Variants in HMG20A observed in about 807,000 individuals in gnomAD.
The protein encoded by HMG20A is high mobility group protein 20A.
A neutral mutation model predicts 43.9 loss-of-function variants in HMG20A; 17 were observed. The ratio of observed to expected loss-of-function variants is 0.39; its 90% CI spans 0.27 to 0.58. The LOEUF is 0.58. Among genes scored for constraint, HMG20A ranks in the 20% least tolerant of loss-of-function variants. HMG20A has a pLI of 0.59. For missense variants in HMG20A, 341 were observed against 438.2 expected (o/e 0.78, Z 1.98); for synonymous variants, 132 against 147.5 (o/e 0.89, Z 0.76).
intron 6 of HMG20A, 94 bp downstream of exon 6, chr15:77,471,908 C>A: frequency 3.0e-6 from 2 of 659,296 alleles, no homozygotes; most frequent in Admixed American, 2.8e-5. Flanking sequence ...TAATGAATGG[C>A]AAAGTATTTC....
chr15:77,461,312 G>A (rs1319530613), intron 2 of HMG20A, among the ~76,000 whole-genome samples: 1 of 152,176 alleles, frequency 6.6e-6, no homozygotes, highest in Non-Finnish European at 1.5e-5. Context: ...CAGGGGTTGT[G>A]CTATAAAGGA....
intron 4 of HMG20A, among the ~76,000 whole-genome samples, chr15:77,468,896 T>C (rs2072781651): frequency 6.6e-6 from 1 of 152,222 alleles, no homozygotes; most frequent in African/African-American, 2.4e-5. Flanking sequence ...TGTTTAGTAG[T>C]CAAGTTTCTT....
chr15:77,469,545 G>A (rs1440944460), intron 4 of HMG20A, among the ~76,000 whole-genome samples: 2 of 152,038 alleles, frequency 1.3e-5, no homozygotes. Context: ...TGTTGCCTAG[G>A]CTGGACTCAA....
At chr15:77,453,099 A>C (rs1194401135) in intron 1 of HMG20A, among the ~76,000 whole-genome samples, 1 of 152,142 alleles carries the variant, frequency 6.6e-6, no homozygotes, top group Non-Finnish European at 1.5e-5. Context: ...ATGGTGGTGC[A>C]TACCTGTAAT....
At chr15:77,480,637 T>C (rs1296594419) in intron 9 of HMG20A, among the ~76,000 whole-genome samples, 1 of 143,514 alleles carries the variant, frequency 7.0e-6, no homozygotes, top group African/African-American at 2.6e-5. Context: ...AAAATAAAAA[T>C]ATAAAATTCT....
At position 77,478,436 on chromosome 15, in the gene HMG20A, A is replaced by G; in HGVS notation, c.833A>G (p.Asn278Ser). ...EVDVIQERSR[N>S]TVLQQHLETL... ...GATGTGATCCAGGAGCGGAGCCGCA[A>G]CACAGTCTTACAGCAGCACCTGGAG... The change falls in exon 8 of 10, where the codon AAC becomes AGC. Residue 278 changes from asparagine to serine, a missense_variant. Transcript: ENST00000336216. The G allele has an allele frequency of 3.1e-6, 5 of 1,612,616 alleles. No individual in the cohort carries two copies. Among genetic ancestry groups the G allele is most frequent in the Non-Finnish European group, 4.2e-6 (5 of 1,180,032 alleles).
At chr15:77,487,056 T>C (rs2142373120), downstream of HMG20A, among the ~76,000 whole-genome samples, 1 of 152,326 alleles carries the variant, frequency 6.6e-6, no homozygotes, top group Admixed American at 6.5e-5. Flanking sequence ...AAATAGCCAC[T>C]TGACCATCAG....
the HMG20A span, among the ~76,000 whole-genome samples, chr15:77,500,122 C>T: frequency 2.0e-5 from 3 of 152,136 alleles, no homozygotes; most frequent in South Asian, 2.1e-4. Context: ...TGAGCCACTG[C>T]GCCCAGCCAT....
the HMG20A span, among the ~76,000 whole-genome samples, chr15:77,496,725 C>G: frequency 6.6e-4 from 100 of 152,304 alleles, no homozygotes; most frequent in Middle Eastern, 3.4e-3. Context: ...GGTGGTCCCG[C>G]CAAGCGCTCC....
At chr15:77,472,781 C>T (rs1266537489) in intron 6 of HMG20A, among the ~76,000 whole-genome samples, 2 of 152,190 alleles carry the variant, frequency 1.3e-5, no homozygotes, top group Non-Finnish European at 2.9e-5. Flanking sequence ...CTTCCTTTAA[C>T]CCTCATGGCT....
chr15:77,462,082 G>A (rs1315438447), intron 2 of HMG20A, among the ~76,000 whole-genome samples: 3 of 152,078 alleles, frequency 2.0e-5, no homozygotes, highest in Admixed American at 2.0e-4. Context: ...TCAGTCCCAG[G>A]ACAGTCTGCT....
rs150548701 is a variant in HMG20A, at chr15:77,460,715, T to A, written c.89+2219T>A. On this transcript the variant is annotated intron_variant, in intron 2 of 9. Transcript: ENST00000336216. ...AAAGTCAGACAGAGGCCGGGTGCAGTGGCTCACAACCTGTAATCCCAGCAC... is the reference window on the plus strand; with the variant it reads ...AAAGTCAGACAGAGGCCGGGTGCAGAGGCTCACAACCTGTAATCCCAGCAC... Among the ~76,000 whole-genome samples, 365 of 152,268 alleles carry A rather than the reference T, an allele frequency of 2.4e-3. 3 individuals are homozygous for A. In the South Asian group the frequency reaches 0.025, roughly 11 times the overall value.
intron 1 of HMG20A, among the ~76,000 whole-genome samples, chr15:77,439,264 A>G (rs1022652062): frequency 1.1e-4 from 17 of 152,132 alleles, no homozygotes; most frequent in African/African-American, 3.9e-4. Flanking sequence ...ATCTTAACCA[A>G]TGCTGCTTTT....
chr15:77,512,366 T>C, the HMG20A span, among the ~76,000 whole-genome samples: 1 of 152,108 alleles, frequency 6.6e-6, no homozygotes, highest in Non-Finnish European at 1.5e-5. Flanking sequence ...CTTAATGCCA[T>C]TGAATGGTAC....
the HMG20A span, among the ~76,000 whole-genome samples, chr15:77,508,053 C>T: frequency 1.3e-5 from 2 of 152,184 alleles, no homozygotes; most frequent in South Asian, 4.1e-4. Flanking sequence ...ACACAGTCTC[C>T]AGGCCAAGGC....
chr15:77,435,296 T>C (rs2073534200), intron 1 of HMG20A, among the ~76,000 whole-genome samples: 1 of 152,122 alleles, frequency 6.6e-6, no homozygotes, highest in African/African-American at 2.4e-5. Flanking sequence ...TTATAGTCTA[T>C]TTATTTTGGA....
At chr15:77,497,682 A>AGAGAGAGAGAGAGAGAGTGT in the HMG20A span, among the ~76,000 whole-genome samples, 1 of 118,988 alleles carries the variant, frequency 8.4e-6, no homozygotes, top group African/African-American at 3.2e-5. Context: ...AGAGAGAGAG[A>AGAGAGAGAGAGAGAGAGTGT]GTGTGTGTGT....
At chr15:77,471,095 T>C in intron 5 of HMG20A, 53 bp downstream of exon 5, 1 of 1,564,634 alleles carries the variant, frequency 6.4e-7, no homozygotes, top group Non-Finnish European at 8.6e-7. Flanking sequence ...TGATGGAGTG[T>C]CATAAAGCCA....
chr15:77,474,585 T>C (rs1031814663), intron 6 of HMG20A, among the ~76,000 whole-genome samples: 1 of 152,162 alleles, frequency 6.6e-6, no homozygotes, highest in Non-Finnish European at 1.5e-5. Context: ...GTCAGCAAAA[T>C]GTGTTGCCAG....
Sources: gnomAD v4.1 joint callset for allele counts (sites outside exome capture counted in the v4.1 genomes callset) on GRCh38, gnomAD v4.1.1 for gene constraint, MANE v1.5 for transcripts, NCBI Gene and HGNC (gene_info 2026-07-23, HGNC 2026-07-21) for gene names.